Variants in NCALD observed in about 807,000 individuals in gnomAD.
NCALD encodes neurocalcin delta.
In NCALD, 10 loss-of-function variants were observed where a neutral mutation model predicts 18.6. The observed-to-expected ratio is 0.54, with a 90% confidence interval of 0.33 to 0.91. The LOEUF is 0.91. Among genes scored for constraint, NCALD ranks in the 40% least tolerant of loss-of-function variants. NCALD has a pLI of 0.03. For missense variants in NCALD, 184 were observed against 247.6 expected (o/e 0.74, Z 1.72); for synonymous variants, 88 against 87.4 (o/e 1.01, Z -0.04).
At chr8:102,035,331 T>C (rs1292693108) in intron 1 of NCALD, among the ~76,000 whole-genome samples, 2 of 152,220 alleles carry the variant, frequency 1.3e-5, no homozygotes, top group African/African-American at 2.4e-5. Context: ...TATTGGTCTA[T>C]TTTCCAGAAC....
chr8:101,793,088 C>T (rs1172931961), upstream of NCALD, among the ~76,000 whole-genome samples: 5 of 152,108 alleles, frequency 3.3e-5, no homozygotes, highest in East Asian at 3.9e-4. Flanking sequence ...TGGTGGCTCA[C>T]GCCTGTAATA....
intron 1 of NCALD, among the ~76,000 whole-genome samples, chr8:102,040,694 T>TCCTTTTG (rs200024127): frequency 1.5e-4 from 18 of 119,820 alleles, no homozygotes; most frequent in Admixed American, 4.6e-4. Flanking sequence ...TATGGTTGCT[T>TCCTTTTG]CCCAACAGGA....
upstream of NCALD, chr8:102,124,511 C>T (rs1426223710): frequency 7.0e-6 from 1 of 143,698 alleles, no homozygotes; most frequent in Non-Finnish European, 1.6e-5. Flanking sequence ...CCCCCTCCCC[C>T]GCTTGCCCTG....
chr8:101,919,506 C>T (rs1249847335), intron 2 of NCALD, among the ~76,000 whole-genome samples: 1 of 151,936 alleles, frequency 6.6e-6, no homozygotes, highest in South Asian at 2.1e-4. Flanking sequence ...AAAGCAATTG[C>T]AACAAAAACA....
intron 3 of NCALD, among the ~76,000 whole-genome samples, chr8:101,907,244 C>T (rs1817640460): frequency 6.6e-6 from 1 of 152,220 alleles, no homozygotes; most frequent in Non-Finnish European, 1.5e-5. Context: ...TCGTCAACAT[C>T]TATGCCCATT....
chr8:101,848,383 G>A (rs1220195421), intron 4 of NCALD, among the ~76,000 whole-genome samples: 1 of 152,058 alleles, frequency 6.6e-6, no homozygotes, highest in East Asian at 1.9e-4. Flanking sequence ...CTTGAAAAAA[G>A]TTTTGTCTGG....
intron 1 of NCALD, among the ~76,000 whole-genome samples, chr8:102,064,441 G>C (rs1336817172): frequency 6.6e-6 from 1 of 152,158 alleles, no homozygotes; most frequent in Non-Finnish European, 1.5e-5. Flanking sequence ...TGAATGGATG[G>C]CTCCCCACAC....
intron 2 of NCALD, among the ~76,000 whole-genome samples, chr8:101,980,046 G>A (rs1820561038): frequency 6.6e-6 from 1 of 152,108 alleles, no homozygotes; most frequent in African/African-American, 2.4e-5. Flanking sequence ...CTGAGCCAAG[G>A]CCAAAATGGG....
chr8:101,957,642 A>AAT (rs1233317185), intron 2 of NCALD, among the ~76,000 whole-genome samples: 20 of 152,294 alleles, frequency 1.3e-4, no homozygotes, highest in African/African-American at 4.6e-4. Flanking sequence ...GCACTTGAGG[A>AAT]ATCTGGCTCA....
At chr8:101,764,815 A>G (rs1272240710) in intron 1 of NCALD, among the ~76,000 whole-genome samples, 2 of 152,174 alleles carry the variant, frequency 1.3e-5, no homozygotes, top group African/African-American at 2.4e-5. Flanking sequence ...TCATGCAGGG[A>G]AACAGATGCT....
intron 2 of NCALD, among the ~76,000 whole-genome samples, chr8:101,982,217 CAGGTATTCCCTTAT>C (rs1464480311): frequency 2.6e-5 from 4 of 152,276 alleles, no homozygotes; most frequent in African/African-American, 9.6e-5. Flanking sequence ...TACCCAGTCT[CAGGTATTCCCTTAT>C]AGCAACACAA....
At chr8:101,872,031 G>A (rs1394730045) in intron 4 of NCALD, 22 of 1,170,300 alleles carry the variant, frequency 1.9e-5, no homozygotes, top group Non-Finnish European at 2.8e-5. Flanking sequence ...GAGCCTTGAT[G>A]TCTCCTTCCA....
intron 1 of NCALD, among the ~76,000 whole-genome samples, chr8:102,112,569 A>G (rs1442688770): frequency 6.6e-6 from 1 of 152,246 alleles, no homozygotes; most frequent in Non-Finnish European, 1.5e-5. Context: ...CTGAATGACT[A>G]CATCAGTTTT....
intron 1 of NCALD, among the ~76,000 whole-genome samples, chr8:101,784,808 A>T (rs946192925): frequency 5.3e-5 from 8 of 152,096 alleles, no homozygotes; most frequent in African/African-American, 1.4e-4. Flanking sequence ...CTAAAAAAAA[A>T]TTTTTTTAAT....
intron 2 of NCALD, among the ~76,000 whole-genome samples, chr8:102,001,580 T>A (rs939720267): frequency 1.3e-5 from 2 of 152,164 alleles, no homozygotes; most frequent in African/African-American, 4.8e-5. Flanking sequence ...ATTGTCAGAT[T>A]CACCAAAGTT....
chr8:101,833,144 G>A (rs1432976514), intron 4 of NCALD, among the ~76,000 whole-genome samples: 5 of 152,196 alleles, frequency 3.3e-5, no homozygotes, highest in South Asian at 2.1e-4. Flanking sequence ...CACTTTCCTC[G>A]TATGATGGAG....
intron 1 of NCALD, among the ~76,000 whole-genome samples, chr8:102,054,440 A>G (rs1823559289): frequency 6.6e-6 from 1 of 152,160 alleles, no homozygotes. Flanking sequence ...TGTACCCCCT[A>G]AATATATAAA....
Position 102,078,801 on chromosome 8 carries a change from T to C in NCALD, c.-210+45436A>G, listed in dbSNP as rs539925366. Among the ~76,000 whole-genome samples, 4 of 152,356 alleles carry C rather than the reference T, an allele frequency of 2.6e-5. No homozygotes were observed. The South Asian group carries it at 8.3e-4, about 32-fold the overall frequency. On this transcript the variant is annotated intron_variant, in intron 1 of 6. Coordinates refer to the NCALD transcript ENST00000311028. Reference sequence around the variant, plus strand: ...CCTTATTACCTTATTTTATTTTGCATTCACTCATCAGTATCTGAAAGTGCA... The same window carrying C: ...CCTTATTACCTTATTTTATTTTGCACTCACTCATCAGTATCTGAAAGTGCA...
chr8:102,086,430 T>C (rs1280858114), intron 1 of NCALD, among the ~76,000 whole-genome samples: 2 of 152,214 alleles, frequency 1.3e-5, no homozygotes, highest in South Asian at 2.1e-4. Context: ...TGAAGTTTTA[T>C]ATCTCAGAAA....
Sources: allele counts gnomAD v4.1 joint callset (sites outside exome capture counted in the v4.1 genomes callset), GRCh38; gene constraint gnomAD v4.1.1; transcripts MANE v1.5; gene names NCBI Gene and HGNC (gene_info 2026-07-23, HGNC 2026-07-21).